PRKCB: variants seen among roughly 807,000 people sequenced by gnomAD.
PRKCB encodes protein kinase C beta type.
PRKCB carries 13 observed loss-of-function variants against 81.5 expected under a neutral mutation model. That is an observed-to-expected ratio of 0.16 (90% CI 0.10 to 0.25). The LOEUF (loss-of-function observed/expected upper bound fraction) is 0.25, where lower values mean the gene tolerates loss of function less well. PRKCB is among the 10% of genes least tolerant of loss of function. The probability of loss-of-function intolerance (pLI) is 1.00; values close to 1 mark genes in which losing one functional copy is unlikely to be tolerated. For synonymous variants in PRKCB, 335 were observed against 321.4 expected (o/e 1.04, Z -0.45); for missense variants, 509 against 875.7 (o/e 0.58, Z 5.29).
intron 16 of PRKCB, among the ~76,000 whole-genome samples, chr16:24,210,405 G>A (rs1191716843): frequency 6.6e-6 from 1 of 151,966 alleles, no homozygotes; most frequent in African/African-American, 2.4e-5. Flanking sequence ...ACATCCAAAG[G>A]GCACCCTCTC....
At chr16:24,014,161 T>C (rs1965242919) in intron 3 of PRKCB, among the ~76,000 whole-genome samples, 1 of 152,138 alleles carries the variant, frequency 6.6e-6, no homozygotes, top group Non-Finnish European at 1.5e-5. Flanking sequence ...GCAGCGGCTT[T>C]GCAAGTTGAA....
intron 16 of PRKCB, among the ~76,000 whole-genome samples, chr16:24,197,814 C>T (rs796135334): frequency 3.5e-4 from 53 of 152,196 alleles, no homozygotes; most frequent in African/African-American, 1.1e-3. Flanking sequence ...GACATGAAGG[C>T]GCTGATGAAC....
intron 2 of PRKCB, among the ~76,000 whole-genome samples, chr16:23,903,273 G>T (rs1047087935): frequency 2.0e-5 from 3 of 151,960 alleles, no homozygotes; most frequent in African/African-American, 7.3e-5. Flanking sequence ...GTGTGTGTGT[G>T]TGTGTGTGTG....
At chr16:24,196,974 G>A (rs1308773222) in intron 16 of PRKCB, among the ~76,000 whole-genome samples, 1 of 152,216 alleles carries the variant, frequency 6.6e-6, no homozygotes, top group Admixed American at 6.5e-5. Context: ...CTAAAGGGCA[G>A]ACTCTGTCGC....
At chr16:24,082,388 A>G (rs1316675034) in intron 5 of PRKCB, among the ~76,000 whole-genome samples, 2 of 152,226 alleles carry the variant, frequency 1.3e-5, no homozygotes, top group African/African-American at 4.8e-5. Context: ...AGGGCAGTGA[A>G]TCCAGAATGG....
chr16:24,061,925 A>AC (rs1387935387), intron 5 of PRKCB, among the ~76,000 whole-genome samples: 2 of 149,874 alleles, frequency 1.3e-5, no homozygotes, highest in East Asian at 2.0e-4. Flanking sequence ...AAAAAAAAAA[A>AC]AAAAAAAACT....
At chr16:24,031,310 GGCT>G (rs2141854115) in intron 3 of PRKCB, among the ~76,000 whole-genome samples, 1 of 152,296 alleles carries the variant, frequency 6.6e-6, no homozygotes, top group Non-Finnish European at 1.5e-5. Context: ...CAAAATTCAA[GGCT>G]GGTAGGGTGG....
intron 10 of PRKCB, 80 bp downstream of exon 10, chr16:24,154,937 G>A: frequency 3.4e-6 from 5 of 1,464,886 alleles, no homozygotes; most frequent in Non-Finnish European, 4.6e-6. Flanking sequence ...GCAGCACCCA[G>A]CACAGAGATA....
intron 5 of PRKCB, among the ~76,000 whole-genome samples, chr16:24,063,579 G>A (rs1477638713): frequency 6.6e-6 from 1 of 152,174 alleles, no homozygotes; most frequent in Admixed American, 6.5e-5. Context: ...ACAGGCGTGA[G>A]TCACCATGCC....
chr16:24,186,550 A>C (rs532900354), intron 15 of PRKCB, among the ~76,000 whole-genome samples: 1 of 152,328 alleles, frequency 6.6e-6, no homozygotes, highest in South Asian at 2.1e-4. Flanking sequence ...GCCGTGCCTT[A>C]ATCAGTGGGT....
chr16:23,963,489 A>G (rs1596489294), intron 2 of PRKCB: 1 of 152,220 alleles, frequency 6.6e-6, no homozygotes, highest in African/African-American at 2.4e-5. Flanking sequence ...TCCATGGATC[A>G]TTGAAGCTTT....
intron 3 of PRKCB, among the ~76,000 whole-genome samples, chr16:23,996,394 C>G (rs986437851): frequency 2.0e-5 from 3 of 152,298 alleles, no homozygotes; most frequent in Middle Eastern, 3.4e-3. Context: ...TTCCACTCAT[C>G]AAGGCTGACC....
intron 2 of PRKCB, among the ~76,000 whole-genome samples, chr16:23,876,663 G>A (rs1963018700): frequency 6.6e-6 from 1 of 151,922 alleles, no homozygotes; most frequent in Non-Finnish European, 1.5e-5. Flanking sequence ...AGTGTGGTTT[G>A]GTGATCTCAC....
intron 2 of PRKCB, among the ~76,000 whole-genome samples, chr16:23,869,891 A>G (rs1248843334): frequency 1.3e-5 from 2 of 152,180 alleles, no homozygotes. Flanking sequence ...GCATGCTGGC[A>G]GAGGCCTGTA....
At chr16:24,071,661 G>A (rs187026467) in intron 5 of PRKCB, among the ~76,000 whole-genome samples, 1 of 152,142 alleles carries the variant, frequency 6.6e-6, no homozygotes, top group Non-Finnish European at 1.5e-5. Context: ...CTCTGCACAT[G>A]TCTCTGGGCA....
chr16:23,956,979 TAAAAAAAAAAAA>T (rs10714409), intron 2 of PRKCB, among the ~76,000 whole-genome samples: 23 of 45,978 alleles, frequency 5.0e-4, no homozygotes, highest in Non-Finnish European at 9.0e-4. Context: ...CTATAGGCAG[TAAAAAAAAAAAA>T]AAAAAAAAAA....
intron 10 of PRKCB, among the ~76,000 whole-genome samples, chr16:24,163,682 A>G (rs1488158897): frequency 1.3e-5 from 2 of 152,236 alleles, no homozygotes; most frequent in Non-Finnish European, 2.9e-5. Context: ...AATACAGAGG[A>G]AGGGAAAGTT....
intron 2 of PRKCB, among the ~76,000 whole-genome samples, chr16:23,955,810 G>T (rs1964342112): frequency 6.6e-6 from 1 of 152,180 alleles, no homozygotes; most frequent in Non-Finnish European, 1.5e-5. Flanking sequence ...CAACCACACA[G>T]CAGAAAGGCA....
At chr16:23,860,421 G>A (rs1435419960) in intron 2 of PRKCB, among the ~76,000 whole-genome samples, 1 of 152,152 alleles carries the variant, frequency 6.6e-6, no homozygotes, top group Non-Finnish European at 1.5e-5. Context: ...CCGGGTGTAG[G>A]TGCCCAAAGG....
Sources: allele counts gnomAD v4.1 joint callset (sites outside exome capture counted in the v4.1 genomes callset), GRCh38; gene constraint gnomAD v4.1.1; transcripts MANE v1.5; gene names NCBI Gene and HGNC (gene_info 2026-07-23, HGNC 2026-07-21).